Variants in ZNF532 observed in about 807,000 individuals in gnomAD.
The protein encoded by ZNF532 is zinc finger protein 532.
In ZNF532, 22 loss-of-function variants were observed where a neutral mutation model predicts 89.3. The ratio of observed to expected loss-of-function variants is 0.25; its 90% CI spans 0.18 to 0.35. ZNF532 has a LOEUF of 0.35. Ranked by LOEUF, ZNF532 falls within the 10% of genes least tolerant of loss-of-function variation. The probability of loss-of-function intolerance (pLI) is 1.00; values close to 1 mark genes in which losing one functional copy is unlikely to be tolerated. For missense variants in ZNF532, 1,132 were observed against 1,643.4 expected (o/e 0.69, Z 5.38); for synonymous variants, 606 against 649.6 (o/e 0.93, Z 1.02).
At chr18:58,876,122 G>T (rs974471991) in intron 2 of ZNF532, among the ~76,000 whole-genome samples, 10 of 151,912 alleles carry the variant, frequency 6.6e-5, no homozygotes, top group Non-Finnish European at 1.3e-4. Context: ...TTTTAGTAGA[G>T]ACGGGGTTTC....
intron 2 of ZNF532, among the ~76,000 whole-genome samples, chr18:58,899,929 TTATTAA>T (rs1472310079): frequency 1.3e-5 from 2 of 152,246 alleles, no homozygotes; most frequent in African/African-American, 4.8e-5. Flanking sequence ...TTTATTTCAG[TTATTAA>T]TATTTATAAT....
At chr18:58,914,896 A>G (rs1385965244) in intron 2 of ZNF532, among the ~76,000 whole-genome samples, 1 of 152,226 alleles carries the variant, frequency 6.6e-6, no homozygotes, top group Non-Finnish European at 1.5e-5. Flanking sequence ...AAGCAAAAGA[A>G]TCTATTTTTA....
At position 58,918,528 on chromosome 18, in the gene ZNF532, G is replaced by A. The variant is rs760184532; in HGVS notation, c.241G>A (p.Gly81Ser). 5.6e-6 allele frequency: 9 copies of A among 1,614,054 alleles called. No homozygotes were observed. The highest frequency in any genetic ancestry group is 2.7e-5 in the African/African-American group (2 of 74,916). The change falls in exon 3 of 10, where the codon GGC (glycine) becomes AGC (serine). Residue 81 changes from glycine to serine, a missense_variant. Physicochemically the swap from Gly to Ser is moderately conservative, Grantham distance 56 (BLOSUM62 0). Around this residue, in one of 9 missense-constraint regions of ZNF532, gnomAD observed 302 missense variants for 319.8 expected, o/e 0.94. Coordinates refer to ENST00000591808, the MANE Select transcript of ZNF532 (RefSeq NM_001375912.1). ...IDSSEGGEKD[G>S]HNPTGNGLHN... ...CTCTTCCGAGGGCGGGGAGAAAGAC[G>A]GCCACAACCCCACTGGCAATGGCTT...
At position 58,920,261 on chromosome 18, in the gene ZNF532, A is replaced by G; in HGVS notation, c.1974A>G (p.Lys658=). 1 of 1,613,972 alleles carries G rather than the reference A, an allele frequency of 6.2e-7. No individual in the cohort carries two copies. Among genetic ancestry groups the G allele is most frequent in the Non-Finnish European group, 8.5e-7 (1 of 1,179,872 alleles). ...CAAAGAACCTCGTTTTTTACAACAA[A>G]TGCAGCCTCCTTTCCCATGCCCGTG... ...HCTKNLVFYN[K]CSLLSHARGH... The change falls in exon 3 of 10, where the codon AAA becomes AAG. Residue 658 remains lysine (K), a synonymous_variant. Coordinates refer to ENST00000591808, the MANE Select transcript of ZNF532 (RefSeq NM_001375912.1).
intron 5 of ZNF532, among the ~76,000 whole-genome samples, chr18:58,941,893 CT>C (rs780402627): frequency 1.4e-5 from 2 of 147,316 alleles, no homozygotes; most frequent in African/African-American, 5.1e-5. Flanking sequence ...TTCTTCCTTC[CT>C]TTTCCTTCCT....
intron 2 of ZNF532, among the ~76,000 whole-genome samples, chr18:58,888,899 AT>A (rs1452532187): frequency 1.3e-5 from 1 of 77,868 alleles, no homozygotes; most frequent in Admixed American, 2.1e-4. Flanking sequence ...TTTTATATAT[AT>A]ATATATATAT....
chr18:58,968,565 C>G (rs1376649745), intron 7 of ZNF532, among the ~76,000 whole-genome samples: 1 of 152,230 alleles, frequency 6.6e-6, no homozygotes, highest in Non-Finnish European at 1.5e-5. Context: ...TGTCCTCTCT[C>G]AATCTCAAGT....
At chr18:58,974,284 CT>C (rs2066800938) in intron 7 of ZNF532, among the ~76,000 whole-genome samples, 1 of 152,168 alleles carries the variant, frequency 6.6e-6, no homozygotes, top group Non-Finnish European at 1.5e-5. Flanking sequence ...TCTCATTCTT[CT>C]AATACAGAAC....
intron 7 of ZNF532, among the ~76,000 whole-genome samples, chr18:58,964,563 GTGTGTGTGTGTGTGTGTA>G (rs2065720716): frequency 6.9e-6 from 1 of 144,284 alleles, no homozygotes; most frequent in Non-Finnish European, 1.5e-5. Context: ...GTGTGTGTGT[GTGTGTGTGTGTGTGTGTA>G]TACACAGTTT....
Position 58,981,467 on chromosome 18 carries a change from C to T in ZNF532, c.3264-3C>T. The T allele has an allele frequency of 1.2e-6, 2 of 1,611,696 alleles. No individual in the cohort carries two copies. The highest frequency in any genetic ancestry group is 2.2e-5 in the East Asian group (1 of 44,876). On this transcript the variant is annotated splice_polypyrimidine_tract_variant and splice_region_variant and intron_variant, in intron 8 of 9. Transcript: ENST00000591808. ...CGTTATCTCCTTGCCTTTCACCCCA[C>T]AGGCACTGCCCAGACTCCAGACGTA...
At chr18:58,900,925 G>T (rs1048287709) in intron 2 of ZNF532, among the ~76,000 whole-genome samples, 1 of 151,742 alleles carries the variant, frequency 6.6e-6, no homozygotes, top group Non-Finnish European at 1.5e-5. Context: ...GTCTCTATTT[G>T]CCTATTTAAA....
intron 2 of ZNF532, among the ~76,000 whole-genome samples, chr18:58,880,765 C>CGT (rs1367707974): frequency 7.6e-6 from 1 of 131,114 alleles, no homozygotes; most frequent in Admixed American, 8.5e-5. Flanking sequence ...CGCGCGCACG[C>CGT]GCGCGCGTCT....
chr18:58,941,994 T>TCCTTCCTTC (rs2063121695), intron 5 of ZNF532, among the ~76,000 whole-genome samples: 1 of 105,704 alleles, frequency 9.5e-6, no homozygotes, highest in Non-Finnish European at 2.1e-5. Context: ...CTCCTTCCCT[T>TCCTTCCTTC]CCTTCCTTCC....
intron 7 of ZNF532, among the ~76,000 whole-genome samples, chr18:58,957,054 T>G (rs544027689): frequency 3.9e-4 from 59 of 152,326 alleles, no homozygotes; most frequent in African/African-American, 1.4e-3. Context: ...CCTCTTAGAC[T>G]TAACCTCCTC....
intron 2 of ZNF532, among the ~76,000 whole-genome samples, chr18:58,885,606 G>A (rs2058243475): frequency 1.3e-5 from 2 of 152,106 alleles, no homozygotes; most frequent in Admixed American, 1.3e-4. Context: ...TGTAATCCCA[G>A]CATTTTGGGA....
intron 8 of ZNF532, 130 bp downstream of exon 8, chr18:58,979,297 G>A (rs1257017548): frequency 1.2e-5 from 7 of 566,670 alleles, no homozygotes; most frequent in Non-Finnish European, 2.1e-5. Flanking sequence ...TTGTATTATT[G>A]TTTTGGCATA....
In ZNF532 at chr18:58,919,872, C is replaced by G. The variant is rs2060897300; in HGVS notation, c.1585C>G (p.Leu529Val). ...PKTVHLANLN[L>V]LPQGAQATSE... ...GACTGTGCACCTTGCCAACCTTAAC[C>G]TTTTGCCTCAGGGTGCCCAGGCCAC... Residue 529 changes from leucine (L) to valine (V), a missense_variant, in exon 3 of 10, where the codon CTT becomes GTT. This residue lies in a region of ZNF532 where 97 missense variants were observed against 143.7 expected (regional missense o/e 0.68). Coordinates refer to ENST00000591808, the MANE Select transcript of ZNF532 (RefSeq NM_001375912.1). This position sits in a 1 kb window ranked among gnomAD's most constrained non-coding sequence, Gnocchi z 6.1. 1 of 1,614,020 alleles carries G rather than the reference C, an allele frequency of 6.2e-7. No individual in the cohort carries two copies. The highest frequency in any genetic ancestry group is 8.5e-7 in the Non-Finnish European group (1 of 1,179,876).
intron 2 of ZNF532, among the ~76,000 whole-genome samples, chr18:58,888,744 T>A (rs1368725519): frequency 0.011 from 440 of 40,808 alleles, 19 homozygotes; most frequent in African/African-American, 0.05. Context: ...ATATATATTT[T>A]ATATATATAT....
intron 7 of ZNF532, among the ~76,000 whole-genome samples, chr18:58,965,061 ATATTT>A (rs1244532320): frequency 1.3e-5 from 2 of 150,122 alleles, no homozygotes; most frequent in African/African-American, 4.9e-5. Flanking sequence ...AGTTTATTTG[ATATTT>A]TATTAGTATG....
Sources: gnomAD v4.1 joint callset for allele counts (sites outside exome capture counted in the v4.1 genomes callset) on GRCh38, gnomAD v4.1.1 for gene constraint, gnomAD v4.1.1 regional missense constraint, Gnocchi (gnomAD v3.1) non-coding constraint, MANE v1.5 for transcripts, NCBI Gene and HGNC (gene_info 2026-07-23, HGNC 2026-07-21) for gene names.